The following BAIAP2 variants were observed in gnomAD, a reference collection of about 807,000 sequenced individuals.
BAIAP2 encodes the protein BAR/IMD domain-containing adapter protein 2.
Under a neutral mutation model 63.0 loss-of-function variants are expected in BAIAP2, and 18 were observed. The observed-to-expected ratio is 0.29, with a 90% CI of 0.20 to 0.42. The LOEUF (loss-of-function observed/expected upper bound fraction) is 0.42, where lower values mean the gene tolerates loss of function less well. Ranked by LOEUF, BAIAP2 falls within the 10% of genes least tolerant of loss-of-function variation. BAIAP2 has a pLI of 1.00. For missense variants in BAIAP2, 610 were observed against 734.3 expected, an observed-to-expected ratio of 0.83 and a Z score of 1.96; for synonymous variants, 386 against 307.6, an observed-to-expected ratio of 1.25 and a Z score of -2.67.
intron 13 of BAIAP2, chr17:81,109,908 G>A: frequency 1.0e-6 from 1 of 985,288 alleles, no homozygotes; most frequent in Non-Finnish European, 1.2e-6. Context: ...GGCCCGGCTG[G>A]GGGAGGGCAG....
intron 3 of BAIAP2, among the ~76,000 whole-genome samples, chr17:81,079,412 C>T (rs1430433676): frequency 3.9e-5 from 6 of 152,184 alleles, no homozygotes; most frequent in African/African-American, 1.2e-4. Flanking sequence ...TCACTCATCA[C>T]GGTGCATTGG....
intron 13 of BAIAP2, chr17:81,110,840 G>C: frequency 6.3e-7 from 1 of 1,579,760 alleles, no homozygotes; most frequent in South Asian, 1.1e-5. Context: ...GCTCGCCCGT[G>C]GTCCCCCCTC....
chr17:81,060,604 G>A (rs2050375638), intron 3 of BAIAP2, among the ~76,000 whole-genome samples: 1 of 152,180 alleles, frequency 6.6e-6, no homozygotes. Flanking sequence ...GTCACCTTCC[G>A]GCAGCTGTGA....
rs577903416 is a variant in BAIAP2, at chr17:81,103,913, T to C, written c.871T>C (p.Ser291Pro). ...PELAPFVGRMSAQESTPIMNG... is the reference protein window; with the variant it reads ...PELAPFVGRMPAQESTPIMNG... Reference sequence around the variant, plus strand: ...TCTGCCTGCTTCCCTGCAGCGGATGTCTGCCCAGGAGAGCACACCCATCAT... The same window carrying C: ...TCTGCCTGCTTCCCTGCAGCGGATGCCTGCCCAGGAGAGCACACCCATCAT... The change falls in exon 9 of 14, where the codon TCT becomes CCT. Residue 291 changes from serine (S) to proline (P), a missense_variant. Physicochemically the swap from Ser to Pro is moderately conservative, Grantham distance 74. Coordinates refer to ENST00000428708, the MANE Select transcript of BAIAP2 (RefSeq NM_001144888.2). The C allele has an allele frequency of 1.9e-6, 3 of 1,612,924 alleles. No individual in the cohort carries two copies. The highest frequency in any genetic ancestry group is 2.2e-5 in the South Asian group (2 of 91,086).
chr17:81,091,376 T>C (rs2145520086), intron 6 of BAIAP2, among the ~76,000 whole-genome samples: 1 of 152,170 alleles, frequency 6.6e-6, no homozygotes, highest in Non-Finnish European at 1.5e-5. Context: ...CTAAAGCGGT[T>C]GGTTGCTTCC....
At chr17:81,091,645 G>A (rs1340638861) in intron 6 of BAIAP2, among the ~76,000 whole-genome samples, 1 of 152,230 alleles carries the variant, frequency 6.6e-6, no homozygotes, top group African/African-American at 2.4e-5. Context: ...GCAGGAGTCT[G>A]GCCCATTCGG....
At chr17:81,086,332 G>T in intron 5 of BAIAP2, 111 bp from the exon 6 acceptor site, 1 of 1,346,536 alleles carries the variant, frequency 7.4e-7, no homozygotes, top group Non-Finnish European at 1.0e-6. Flanking sequence ...TGGCAGGGCT[G>T]GCAAGGGGAC....
chr17:81,036,288 G>A (rs371627197), intron 1 of BAIAP2, among the ~76,000 whole-genome samples: 20 of 152,252 alleles, frequency 1.3e-4, no homozygotes, highest in Admixed American at 5.9e-4. Context: ...TCTTACAGAT[G>A]TGCTTTGTTT....
chr17:81,105,997 G>A, intron 10 of BAIAP2, 81 bp from the exon 11 acceptor site: 1 of 1,261,344 alleles, frequency 7.9e-7, no homozygotes, highest in African/African-American at 1.5e-5. Context: ...GAGCTAGAGG[G>A]ACTTGTGCAT....
At chr17:81,105,223 C>T (rs1568182570) in intron 10 of BAIAP2, 3 of 164,664 alleles carry the variant, frequency 1.8e-5, no homozygotes, top group Non-Finnish European at 2.7e-5. Context: ...TGTTGTCTTC[C>T]CCCATGGCTG....
intron 13 of BAIAP2, among the ~76,000 whole-genome samples, chr17:81,112,178 C>T (rs1481988656): frequency 6.6e-6 from 1 of 152,228 alleles, no homozygotes; most frequent in Non-Finnish European, 1.5e-5. Flanking sequence ...CCCCAGGTCC[C>T]TCTGAGCTGA....
At chr17:81,107,274 G>C in intron 12 of BAIAP2, 1 of 227,392 alleles carries the variant, frequency 4.4e-6, no homozygotes, top group East Asian at 9.8e-5. Flanking sequence ...GAGCCAGGGG[G>C]GCAGGATCTC....
chr17:81,086,405 A>T, intron 5 of BAIAP2, 38 bp from the exon 6 acceptor site: 2 of 1,609,064 alleles, frequency 1.2e-6, no homozygotes, highest in Non-Finnish European at 1.7e-6. Context: ...CGTTGGGTTC[A>T]TGGGCCTTGG....
At chr17:81,062,567 C>G (rs1449329193) in intron 3 of BAIAP2, among the ~76,000 whole-genome samples, 1 of 152,168 alleles carries the variant, frequency 6.6e-6, no homozygotes, top group African/African-American at 2.4e-5. Flanking sequence ...CCCTCGTGGG[C>G]TGCTCGGCCG....
chr17:81,086,312 A>G (rs1407224994), intron 5 of BAIAP2, 131 bp from the exon 6 acceptor site: 3 of 1,128,214 alleles, frequency 2.7e-6, no homozygotes, highest in Non-Finnish European at 3.9e-6. Flanking sequence ...AGAGCGAGCC[A>G]GGAAGGGAGT....
rs1171086981 is a variant in BAIAP2 at position 81,035,259 on chromosome 17, C to T, written c.5C>T (p.Ser2Phe). The T allele has an allele frequency of 6.6e-7, 1 of 1,521,920 alleles. No homozygotes were observed. Among genetic ancestry groups the T allele is most frequent in the Non-Finnish European group, 8.8e-7 (1 of 1,131,446 alleles). The allele number at this position is 1,521,920 out of a possible 1,614,324, so 94.3% of individuals were successfully genotyped here. A position where few individuals can be genotyped will look rare whatever the true frequency, so the allele number is the denominator to read the frequency against. M[S>F]LSRSEEMHRL... ...GTGCAGCCGGGACCCAGGACCATGT[C>T]TCTGTCTCGCTCAGAGGAGATGCAC... Residue 2 changes from serine to phenylalanine, a missense_variant, in exon 1 of 14, where the codon TCT becomes TTT. Transcript: ENST00000428708.
intron 6 of BAIAP2, among the ~76,000 whole-genome samples, chr17:81,089,799 C>A (rs2056398340): frequency 6.6e-6 from 1 of 152,098 alleles, no homozygotes; most frequent in African/African-American, 2.4e-5. Context: ...TGGGCGGGGA[C>A]CATGTGGGCG....
chr17:81,088,137 CCT>C (rs1568143704), intron 6 of BAIAP2, among the ~76,000 whole-genome samples: 1 of 152,088 alleles, frequency 6.6e-6, no homozygotes, highest in Non-Finnish European at 1.5e-5. Flanking sequence ...GGACGGCACC[CCT>C]GCGGCCTGGA....
intron 1 of BAIAP2, among the ~76,000 whole-genome samples, chr17:81,042,488 C>G (rs1341084636): frequency 6.6e-6 from 1 of 152,044 alleles, no homozygotes; most frequent in East Asian, 1.9e-4. Context: ...CAGACAACGG[C>G]CAGGCCTCCT....
Sources: gnomAD v4.1 joint callset for allele counts (sites outside exome capture counted in the v4.1 genomes callset) on GRCh38, gnomAD v4.1.1 for gene constraint, MANE v1.5 for transcripts, NCBI Gene and HGNC (gene_info 2026-07-23, HGNC 2026-07-21) for gene names.